Variants in SCFD2 observed in about 807,000 individuals in gnomAD.
The protein encoded by SCFD2 is sec1 family domain containing 2, also known as sec1 family domain-containing protein 2.
Under a neutral mutation model 58.9 loss-of-function variants are expected in SCFD2, and 54 were observed. The ratio of observed to expected loss-of-function variants is 0.92; its 90% CI spans 0.74 to 1.15. The LOEUF is 1.15. Among genes scored for constraint, SCFD2 ranks in the 50% most tolerant of loss-of-function variants. The pLI, the probability that SCFD2 is intolerant of heterozygous loss-of-function variation, is 0.00. For synonymous variants in SCFD2, 321 were observed against 335.9 expected, an observed-to-expected ratio of 0.96 and a Z score of 0.49; for missense variants, 805 against 836.6, an observed-to-expected ratio of 0.96 and a Z score of 0.47.
intron 5 of SCFD2, among the ~76,000 whole-genome samples, chr4:53,007,115 T>TA (rs911614412): frequency 2.0e-5 from 3 of 150,362 alleles, no homozygotes; most frequent in East Asian, 2.0e-4. Context: ...ACCCTGTCTC[T>TA]AAAAAAAAAT....
intron 3 of SCFD2, among the ~76,000 whole-genome samples, chr4:53,293,239 T>G (rs926452699): frequency 6.6e-6 from 1 of 151,790 alleles, no homozygotes; most frequent in African/African-American, 2.4e-5. Context: ...CACTTATAAG[T>G]GGGAGCAGAA....
intron 2 of SCFD2, among the ~76,000 whole-genome samples, chr4:53,352,166 T>A (rs148704553): frequency 6.6e-6 from 1 of 152,234 alleles, no homozygotes; most frequent in East Asian, 1.9e-4. Context: ...AAATAAAAAC[T>A]TCTGTTGATA....
At chr4:52,970,808 C>T (rs1050717458) in intron 5 of SCFD2, among the ~76,000 whole-genome samples, 1 of 152,218 alleles carries the variant, frequency 6.6e-6, no homozygotes, top group African/African-American at 2.4e-5. Flanking sequence ...GGGTACTCCT[C>T]TGAGACGAAA....
At chr4:53,007,853 T>C (rs1482481638) in intron 5 of SCFD2, among the ~76,000 whole-genome samples, 13 of 152,198 alleles carry the variant, frequency 8.5e-5, no homozygotes, top group Admixed American at 6.5e-4. Context: ...AGAGCATTTT[T>C]AGGTGCTTAT....
At chr4:52,968,347 T>G (rs1285032622) in intron 5 of SCFD2, among the ~76,000 whole-genome samples, 1 of 152,238 alleles carries the variant, frequency 6.6e-6, no homozygotes, top group African/African-American at 2.4e-5. Flanking sequence ...AGGGAGGAGA[T>G]AAGGTACTTA....
At chr4:53,299,747 T>G (rs1326541293) in intron 3 of SCFD2, among the ~76,000 whole-genome samples, 1 of 152,198 alleles carries the variant, frequency 6.6e-6, no homozygotes, top group African/African-American at 2.4e-5. Flanking sequence ...AGAGCTGATC[T>G]CTCGCCAGAA....
intron 5 of SCFD2, among the ~76,000 whole-genome samples, chr4:52,981,192 A>G (rs1247625265): frequency 1.3e-5 from 2 of 152,168 alleles, no homozygotes; most frequent in Non-Finnish European, 2.9e-5. Flanking sequence ...AATAGTATAA[A>G]CCTTGAAAAT....
At position 53,145,519 on chromosome 4, in the gene SCFD2, T is replaced by C. The variant is rs772630811; in HGVS notation, c.1375A>G (p.Thr459Ala). Residue 459 changes from threonine (T) to alanine (A), a missense_variant, in exon 5 of 9, where the codon ACC becomes GCC. This residue lies in a region of SCFD2 where 633 missense variants were observed against 646.8 expected (regional missense o/e 0.98). Transcript: ENST00000401642. ...NQLLPMIKPVTQRTNEDYSPE... is the reference protein window; with the variant it reads ...NQLLPMIKPVAQRTNEDYSPE... Reference sequence around the variant, plus strand: ...CTGTAGTCCTCGTTGGTTCTCTGGGTTACAGGCTTAATCATGGGCAGCAGC... The same window carrying C: ...CTGTAGTCCTCGTTGGTTCTCTGGGCTACAGGCTTAATCATGGGCAGCAGC... 4.3e-5 allele frequency: 70 copies of C among 1,613,994 alleles called. No homozygotes were observed. The highest frequency in any genetic ancestry group is 1.6e-4 in the Middle Eastern group (1 of 6,084).
At chr4:53,271,537 A>T in intron 4 of SCFD2, among the ~76,000 whole-genome samples, 1 of 151,720 alleles carries the variant, frequency 6.6e-6, no homozygotes, top group East Asian at 1.9e-4. Flanking sequence ...ATCTCAGCTC[A>T]CTGCAACCTC....
intron 4 of SCFD2, among the ~76,000 whole-genome samples, chr4:53,156,398 CAA>C (rs1171962847): frequency 2.3e-4 from 23 of 99,816 alleles, no homozygotes; most frequent in Admixed American, 4.1e-4. Context: ...AGACTCAACT[CAA>C]AAAAAAAAAA....
At chr4:53,153,810 T>G (rs1726583891) in intron 4 of SCFD2, among the ~76,000 whole-genome samples, 1 of 152,236 alleles carries the variant, frequency 6.6e-6, no homozygotes, top group Admixed American at 6.5e-5. Context: ...TATCTGGTCA[T>G]AGGTTGTTAG....
chr4:52,921,906 T>C (rs1239697164), intron 5 of SCFD2, among the ~76,000 whole-genome samples: 2 of 152,104 alleles, frequency 1.3e-5, no homozygotes, highest in African/African-American at 2.4e-5. Context: ...TCAACACTCA[T>C]AGAAATAATC....
At chr4:53,271,039 T>A (rs1731145793) in intron 4 of SCFD2, among the ~76,000 whole-genome samples, 1 of 152,090 alleles carries the variant, frequency 6.6e-6, no homozygotes, top group East Asian at 1.9e-4. Flanking sequence ...TTCAGAAAGT[T>A]TTTTTTTCTT....
chr4:53,166,908 T>C (rs954818068), intron 4 of SCFD2, among the ~76,000 whole-genome samples: 2 of 151,438 alleles, frequency 1.3e-5, no homozygotes, highest in African/African-American at 2.4e-5. Flanking sequence ...AAGCATTTGG[T>C]AGCATTTGGG....
chr4:53,330,829 G>C (rs981905224), intron 2 of SCFD2, among the ~76,000 whole-genome samples: 3 of 152,040 alleles, frequency 2.0e-5, no homozygotes, highest in Admixed American at 6.5e-5. Flanking sequence ...AGACCCATCA[G>C]TGTGCTGTAT....
At chr4:53,330,390 G>GT (rs1374018863) in intron 2 of SCFD2, among the ~76,000 whole-genome samples, 1 of 152,108 alleles carries the variant, frequency 6.6e-6, no homozygotes, top group Non-Finnish European at 1.5e-5. Context: ...GACTAACAGC[G>GT]TATCTCTCAG....
chr4:53,274,858 AG>A (rs1731281001), intron 3 of SCFD2, among the ~76,000 whole-genome samples: 1 of 152,196 alleles, frequency 6.6e-6, no homozygotes, highest in South Asian at 2.1e-4. Flanking sequence ...CCAGGCAAAA[AG>A]GCAATGGGGC....
intron 4 of SCFD2, among the ~76,000 whole-genome samples, chr4:53,190,268 TG>T (rs1444817039): frequency 3.9e-5 from 6 of 152,176 alleles, no homozygotes; most frequent in African/African-American, 1.4e-4. Context: ...AGACAGATGT[TG>T]GCGTGTGTGT....
rs149566585 is a variant in SCFD2 at position 52,920,799 on chromosome 4, G to T, written c.1633C>A (p.Arg545=). The change falls in exon 6 of 9, where the codon CGG becomes AGG. Residue 545 remains arginine, a synonymous_variant. Coordinates refer to ENST00000401642, the MANE Select transcript of SCFD2 (RefSeq NM_152540.4). The part of the protein sequence containing the change: ...IAVDELFTSL[R]DIAGARSLLK... ...AGACTCCGAGCTCCAGCAATATCCC[G>T]AAGTGAAGTAAAGAGTTCATCCACG... 3.1e-6 allele frequency: 5 copies of T among 1,610,800 alleles called. No homozygotes were observed. Among genetic ancestry groups the T allele is most frequent in the African/African-American group, 2.7e-5 (2 of 74,890 alleles).
Sources: gnomAD v4.1 joint callset for allele counts (sites outside exome capture counted in the v4.1 genomes callset) on GRCh38, gnomAD v4.1.1 for gene constraint, gnomAD v4.1.1 regional missense constraint, MANE v1.5 for transcripts, NCBI Gene and HGNC (gene_info 2026-07-23, HGNC 2026-07-21) for gene names.